Variants in PCDH9 observed in about 807,000 individuals in gnomAD.
PCDH9 encodes the protein protocadherin-9.
A neutral mutation model predicts 70.6 loss-of-function variants in PCDH9; 24 were observed. The observed-to-expected ratio is 0.34, with a 90% CI of 0.25 to 0.48. The LOEUF is 0.48. PCDH9 is among the 20% of genes least tolerant of loss of function. The probability of loss-of-function intolerance (pLI) is 0.99; values close to 1 mark genes in which losing one functional copy is unlikely to be tolerated. For missense variants in PCDH9, 1,281 were observed against 1,503.6 expected (o/e 0.85, Z 2.45); for synonymous variants, 562 against 558.5 (o/e 1.01, Z -0.09).
chr13:66,480,801 C>G (rs1958821539), intron 4 of PCDH9, among the ~76,000 whole-genome samples: 1 of 152,142 alleles, frequency 6.6e-6, no homozygotes, highest in Non-Finnish European at 1.5e-5. Flanking sequence ...CCAGCAATCC[C>G]ATTTCTGGGT....
chr13:67,097,533 A>G (rs1179426571), intron 2 of PCDH9, among the ~76,000 whole-genome samples: 1 of 152,216 alleles, frequency 6.6e-6, no homozygotes, highest in Non-Finnish European at 1.5e-5. Context: ...GAAACAAGGG[A>G]CAAATTATGT....
Position 66,304,955 on chromosome 13 carries a change from G to C in PCDH9, c.3414C>G (p.His1138Gln). The change falls in exon 5 of 5, where the codon CAC (histidine) becomes CAG (glutamine). Residue 1138 changes from histidine (H) to glutamine (Q), a missense_variant. Transcript: ENST00000377865. ...MCTQECLVLG[H>Q]SDNCWMPPGL... is the part of the protein sequence containing the mutation. ...CAGGAGGCATCCAGCAATTATCAGA[G>C]TGACCCAAAACCAAGCACTCTTGAG... 1.2e-6 allele frequency: 2 copies of C among 1,613,464 alleles called. No individual in the cohort carries two copies. The highest frequency in any genetic ancestry group is 2.2e-5 in the South Asian group (2 of 91,072).
chr13:66,864,536 T>C (rs2081538855), intron 3 of PCDH9, among the ~76,000 whole-genome samples: 1 of 152,212 alleles, frequency 6.6e-6, no homozygotes, highest in Non-Finnish European at 1.5e-5. Flanking sequence ...ATTACATCAC[T>C]ATCAAAACAC....
At chr13:67,037,325 C>T (rs573910587) in intron 2 of PCDH9, among the ~76,000 whole-genome samples, 2 of 152,144 alleles carry the variant, frequency 1.3e-5, no homozygotes, top group Non-Finnish European at 2.9e-5. Context: ...AACTTGGCTT[C>T]TTGACTTACA....
chr13:67,221,749 A>C (rs1005503772), intron 2 of PCDH9: 3 of 152,142 alleles, frequency 2.0e-5, no homozygotes, highest in African/African-American at 7.2e-5. Context: ...AAATGCTGTC[A>C]ACTGGGTTGG....
chr13:67,013,322 G>A (rs975731729), intron 2 of PCDH9, among the ~76,000 whole-genome samples: 2 of 146,658 alleles, frequency 1.4e-5, no homozygotes, highest in Admixed American at 1.4e-4. Flanking sequence ...TCCCCTTCCT[G>A]AAATATGGAT....
intron 4 of PCDH9, among the ~76,000 whole-genome samples, chr13:66,386,409 A>G (rs927367881): frequency 8.5e-5 from 13 of 152,160 alleles, no homozygotes; most frequent in African/African-American, 2.7e-4. Context: ...TGCAATGAAC[A>G]TGACTTTTTT....
intron 3 of PCDH9, among the ~76,000 whole-genome samples, chr13:66,731,127 G>A (rs765235395): frequency 1.3e-4 from 20 of 151,944 alleles, no homozygotes; most frequent in Non-Finnish European, 2.4e-4. Context: ...AGAATCATTC[G>A]AAGAGAATGA....
intron 4 of PCDH9, among the ~76,000 whole-genome samples, chr13:66,390,057 A>G (rs1956991138): frequency 1.3e-5 from 2 of 152,204 alleles, no homozygotes; most frequent in African/African-American, 2.4e-5. Context: ...CTTCAAGCAC[A>G]TATATCTAAA....
rs1375328755 is a variant in PCDH9, at chr13:66,811,550, T to G, written c.3138+91954A>C. 2.0e-5 allele frequency among the ~76,000 whole-genome samples: 3 copies of G among 152,094 alleles called. No homozygotes were observed. The East Asian group carries it at 5.8e-4, about 29-fold the overall frequency. On this transcript the variant is annotated intron_variant, in intron 3 of 4. Coordinates refer to ENST00000377865, the MANE Select transcript of PCDH9 (RefSeq NM_203487.3). ...AAGTTTTGCTCACTGGCAGTCAATTTCAAGTTTGATTCATTCCTCCCTCCC... is the reference window on the plus strand; with the variant it reads ...AAGTTTTGCTCACTGGCAGTCAATTGCAAGTTTGATTCATTCCTCCCTCCC...
intron 4 of PCDH9, among the ~76,000 whole-genome samples, chr13:66,506,782 G>A (rs1446245115): frequency 6.6e-6 from 1 of 152,182 alleles, no homozygotes; most frequent in Non-Finnish European, 1.5e-5. Context: ...AGGTTTAGAC[G>A]CTCACATAAA....
At chr13:66,306,725 G>C (rs1247768196) in intron 4 of PCDH9, among the ~76,000 whole-genome samples, 1 of 151,652 alleles carries the variant, frequency 6.6e-6, no homozygotes, top group East Asian at 1.9e-4. Flanking sequence ...GTTTTATTTT[G>C]TTTAAACACA....
chr13:66,949,701 G>A (rs1424687347), intron 2 of PCDH9, among the ~76,000 whole-genome samples: 4 of 151,870 alleles, frequency 2.6e-5, no homozygotes, highest in African/African-American at 9.7e-5. Flanking sequence ...CATCTCCATC[G>A]ACTAGTTGGA....
chr13:67,062,875 G>A (rs1252009335), intron 2 of PCDH9, among the ~76,000 whole-genome samples: 1 of 152,042 alleles, frequency 6.6e-6, no homozygotes, highest in Non-Finnish European at 1.5e-5. Context: ...CTTTTAAGAG[G>A]GAAGAGAAGC....
chr13:66,538,382 G>A (rs1960796199), intron 4 of PCDH9, among the ~76,000 whole-genome samples: 1 of 152,122 alleles, frequency 6.6e-6, no homozygotes, highest in African/African-American at 2.4e-5. Context: ...TATTTCACAA[G>A]AATGGTGCCT....
chr13:66,643,630 A>G (rs938112807), intron 3 of PCDH9, among the ~76,000 whole-genome samples: 3 of 151,904 alleles, frequency 2.0e-5, no homozygotes, highest in African/African-American at 7.3e-5. Flanking sequence ...AAGAACTTCT[A>G]TATGTCAAAA....
chr13:66,511,249 T>C (rs1959454861), intron 4 of PCDH9, among the ~76,000 whole-genome samples: 1 of 152,228 alleles, frequency 6.6e-6, no homozygotes, highest in South Asian at 2.1e-4. Flanking sequence ...ATTATAGTTG[T>C]TATTAATAAA....
intron 4 of PCDH9, among the ~76,000 whole-genome samples, chr13:66,573,304 T>C (rs559052031): frequency 3.1e-4 from 47 of 151,780 alleles, no homozygotes; most frequent in African/African-American, 1.1e-3. Context: ...TGTTTGGATT[T>C]CTTACATATT....
chr13:66,625,145 CTTTT>C (rs2077482141), intron 4 of PCDH9, among the ~76,000 whole-genome samples: 1 of 152,128 alleles, frequency 6.6e-6, no homozygotes, highest in African/African-American at 2.4e-5. Context: ...TGATAACTTT[CTTTT>C]AACAAAATAC....
Sources: gnomAD v4.1 joint callset for allele counts (sites outside exome capture counted in the v4.1 genomes callset) on GRCh38, gnomAD v4.1.1 for gene constraint, MANE v1.5 for transcripts, NCBI Gene and HGNC (gene_info 2026-07-23, HGNC 2026-07-21) for gene names.